Variants in VWA3B observed in about 807,000 individuals in gnomAD.
VWA3B encodes von Willebrand factor A domain-containing protein 3B.
A neutral mutation model predicts 158.3 loss-of-function variants in VWA3B; 138 were observed. The ratio of observed to expected loss-of-function variants is 0.87; its 90% CI spans 0.76 to 1.00. The LOEUF is 1.00. Among genes scored for constraint, VWA3B ranks in the 50% least tolerant of loss-of-function variants. The probability of loss-of-function intolerance (pLI) is 0.00; values close to 1 mark genes in which losing one functional copy is unlikely to be tolerated. For synonymous variants in VWA3B, 596 were observed against 587.3 expected, an observed-to-expected ratio of 1.01 and a Z score of -0.21; for missense variants, 1,555 against 1,565.1, an observed-to-expected ratio of 0.99 and a Z score of 0.11.
intron 6 of VWA3B, among the ~76,000 whole-genome samples, chr2:98,128,715 C>G (rs1395510827): frequency 6.6e-6 from 1 of 152,200 alleles, no homozygotes; most frequent in Non-Finnish European, 1.5e-5. Context: ...CATATGCAAA[C>G]CAACCAGAGC....
chr2:98,141,766 A>G (rs1676793394), intron 7 of VWA3B, among the ~76,000 whole-genome samples: 1 of 152,084 alleles, frequency 6.6e-6, no homozygotes, highest in African/African-American at 2.4e-5. Flanking sequence ...TTTGAACCTT[A>G]ATCTTACCAT....
At chr2:98,180,472 G>A (rs1056094591) in intron 8 of VWA3B, among the ~76,000 whole-genome samples, 3 of 152,238 alleles carry the variant, frequency 2.0e-5, no homozygotes, top group South Asian at 2.1e-4. Context: ...GATTATTGGC[G>A]TGAGCCACCA....
chr2:98,302,519 C>A (rs1441339243), intron 25 of VWA3B, among the ~76,000 whole-genome samples: 1 of 152,206 alleles, frequency 6.6e-6, no homozygotes, highest in Non-Finnish European at 1.5e-5. Flanking sequence ...GATTGGTGAG[C>A]AAAAAGCCAG....
At chr2:98,239,221 G>T (rs1685906445) in intron 19 of VWA3B, among the ~76,000 whole-genome samples, 1 of 152,136 alleles carries the variant, frequency 6.6e-6, no homozygotes, top group African/African-American at 2.4e-5. Context: ...TATGTGCAGA[G>T]AATAATTACT....
At chr2:98,240,200 C>A (rs1028664450) in intron 19 of VWA3B, among the ~76,000 whole-genome samples, 1 of 152,102 alleles carries the variant, frequency 6.6e-6, no homozygotes, top group Admixed American at 6.5e-5. Context: ...CGTATTTATA[C>A]AGAGACACAT....
intron 21 of VWA3B, among the ~76,000 whole-genome samples, chr2:98,260,951 A>G (rs1355716571): frequency 1.3e-5 from 2 of 151,664 alleles, no homozygotes; most frequent in African/African-American, 4.8e-5. Context: ...TTTAAGCACC[A>G]TATATTTGGA....
At chr2:98,097,504 G>A (rs780855064) in intron 2 of VWA3B, among the ~76,000 whole-genome samples, 3 of 152,126 alleles carry the variant, frequency 2.0e-5, no homozygotes, top group Non-Finnish European at 4.4e-5. Flanking sequence ...TGGTTGATGG[G>A]CACTTAGATT....
chr2:98,197,994 A>G (rs995767722), intron 12 of VWA3B, among the ~76,000 whole-genome samples: 3 of 151,608 alleles, frequency 2.0e-5, no homozygotes, highest in Non-Finnish European at 4.4e-5. Flanking sequence ...ATATACATAG[A>G]AAATATCTAT....
chr2:98,287,165 A>G (rs1032915841), intron 22 of VWA3B, among the ~76,000 whole-genome samples: 1 of 152,012 alleles, frequency 6.6e-6, no homozygotes, highest in African/African-American at 2.4e-5. Context: ...TTTTCCATTT[A>G]TTAAGCTAGA....
At chr2:98,275,642 G>T (rs538190630) in intron 22 of VWA3B, among the ~76,000 whole-genome samples, 2 of 152,374 alleles carry the variant, frequency 1.3e-5, no homozygotes, top group East Asian at 3.9e-4. Context: ...CTGGGAGAGT[G>T]CACAGCACCA....
intron 7 of VWA3B, among the ~76,000 whole-genome samples, chr2:98,158,715 G>A (rs1315145618): frequency 7.1e-6 from 1 of 140,110 alleles, no homozygotes; most frequent in African/African-American, 2.7e-5. Context: ...TTTCCTGGGG[G>A]TGGTGGAGTC....
rs1248902019 is a variant in VWA3B at position 98,269,750 on chromosome 2, C to T, written c.2844-932C>T. Among the ~76,000 whole-genome samples, 8 of 152,140 alleles carry T rather than the reference C, an allele frequency of 5.3e-5. 1 individual carries two copies. Among genetic ancestry groups the T allele is most frequent in the South Asian group, 2.1e-4 (1 of 4,832 alleles). The stretch of plus-strand genomic sequence containing the variant: ...TTTGTTTCTGGAATTCTCGCAAAGG[C>T]GATTTGGTTCATATATTGTTAAGTC... On this transcript the variant is annotated intron_variant, in intron 21 of 27. Transcript: ENST00000477737.
At chr2:98,224,502 T>C in intron 14 of VWA3B, among the ~76,000 whole-genome samples, 1 of 152,138 alleles carries the variant, frequency 6.6e-6, no homozygotes, top group East Asian at 1.9e-4. Context: ...CACATATATA[T>C]GCTGTCATAC....
At chr2:98,137,506 A>C (rs1291865285) in intron 7 of VWA3B, among the ~76,000 whole-genome samples, 3 of 152,230 alleles carry the variant, frequency 2.0e-5, no homozygotes, top group Non-Finnish European at 4.4e-5. Flanking sequence ...ATTTCAAATA[A>C]AGACAGGCTC....
At chr2:98,207,538 T>C (rs950263786) in intron 12 of VWA3B, 71 of 520,678 alleles carry the variant, frequency 1.4e-4, no homozygotes, top group Admixed American at 2.7e-4. Flanking sequence ...ACGTTTCTTG[T>C]CTCAGCCATT....
chr2:98,087,431 A>C (rs972370215), intron 1 of VWA3B, 68 bp downstream of exon 1: 5 of 152,266 alleles, frequency 3.3e-5, no homozygotes, highest in Non-Finnish European at 7.3e-5. Flanking sequence ...CAAGCGGCCT[A>C]GGGAGGTCTT....
the VWA3B span, among the ~76,000 whole-genome samples, chr2:98,326,317 A>G: frequency 4.6e-5 from 7 of 152,236 alleles, no homozygotes; most frequent in Non-Finnish European, 8.8e-5. Flanking sequence ...AACCTTGAAG[A>G]ATATAACCAA....
intron 7 of VWA3B, among the ~76,000 whole-genome samples, chr2:98,156,485 C>T (rs892492675): frequency 2.0e-5 from 3 of 152,204 alleles, no homozygotes; most frequent in African/African-American, 2.4e-5. Flanking sequence ...GAGCAGATGC[C>T]GGTGCGGGGT....
In VWA3B at chr2:98,270,823, G is replaced by T. The variant is rs758710897; in HGVS notation, c.2985G>T (p.Gln995His). 1 of 1,614,094 alleles carries T rather than the reference G, an allele frequency of 6.2e-7. No individual in the cohort carries two copies. Reference protein sequence around the residue: ...SEILAGKMYIQQAMELQEAAK... With the variant: ...SEILAGKMYIHQAMELQEAAK... ...TCCTAGCTGGGAAAATGTACATCCA[G>T]CAGGCCATGGAACTCCAGGAGGCTG... The change falls in exon 22 of 28, where the codon CAG becomes CAT. Residue 995 changes from glutamine (Q) to histidine (H), a missense_variant. By Grantham distance (24) the Gln-to-His change is conservative. Transcript: ENST00000477737.
Sources: allele counts gnomAD v4.1 joint callset (sites outside exome capture counted in the v4.1 genomes callset), GRCh38; gene constraint gnomAD v4.1.1; transcripts MANE v1.5; gene names NCBI Gene and HGNC (gene_info 2026-07-23, HGNC 2026-07-21).